Variants in ERC2 observed in about 807,000 individuals in gnomAD.
ERC2 encodes the protein ELKS/RAB6-interacting/CAST family member 2.
ERC2 carries 42 observed loss-of-function variants against 114.8 expected under a neutral mutation model. The observed-to-expected ratio is 0.37, with a 90% CI of 0.29 to 0.47. The LOEUF (loss-of-function observed/expected upper bound fraction) is 0.47, where lower values mean the gene tolerates loss of function less well. ERC2 is among the 20% of genes least tolerant of loss of function. The pLI is 0.99. For synonymous variants in ERC2, 454 were observed against 425.5 expected (o/e 1.07, Z -0.82); for missense variants, 939 against 1,150.7 (o/e 0.82, Z 2.66).
At chr3:56,337,540 G>A (rs563082590) in intron 2 of ERC2, among the ~76,000 whole-genome samples, 1 of 152,254 alleles carries the variant, frequency 6.6e-6, no homozygotes, top group Non-Finnish European at 1.5e-5. Context: ...TATGCATAAA[G>A]CACTTAGCTA....
chr3:55,719,487 C>G (rs2064320848), intron 15 of ERC2, among the ~76,000 whole-genome samples: 1 of 152,140 alleles, frequency 6.6e-6, no homozygotes, highest in African/African-American at 2.4e-5. Flanking sequence ...ATGTTGGAAA[C>G]AATTCTAAAT....
chr3:56,240,638 C>T (rs2051263235), intron 3 of ERC2, among the ~76,000 whole-genome samples: 2 of 152,062 alleles, frequency 1.3e-5, no homozygotes, highest in Admixed American at 1.3e-4. Context: ...AATAGCACCA[C>T]CAACTGTGAG....
chr3:56,437,146 CAT>C (rs1300559703), intron 1 of ERC2, among the ~76,000 whole-genome samples: 1 of 152,216 alleles, frequency 6.6e-6, no homozygotes, highest in African/African-American at 2.4e-5. Context: ...TTAAGCAACA[CAT>C]GTGTTTACTC....
chr3:55,630,265 G>A (rs1252161166), intron 17 of ERC2, among the ~76,000 whole-genome samples: 1 of 152,186 alleles, frequency 6.6e-6, no homozygotes, highest in African/African-American at 2.4e-5. Context: ...TGCCTCCCAG[G>A]TTCAAGTGAT....
At chr3:56,265,803 T>G (rs2053252470) in intron 3 of ERC2, among the ~76,000 whole-genome samples, 1 of 151,820 alleles carries the variant, frequency 6.6e-6, no homozygotes, top group South Asian at 2.1e-4. Context: ...CCAAGGTGGG[T>G]AGATCACCTG....
chr3:55,689,168 G>A (rs886352912), intron 16 of ERC2, among the ~76,000 whole-genome samples: 9 of 152,168 alleles, frequency 5.9e-5, no homozygotes, highest in African/African-American at 2.2e-4. Flanking sequence ...AGCCACCTGA[G>A]ACCACTTTGT....
chr3:56,322,147 G>A (rs886950018), intron 2 of ERC2, among the ~76,000 whole-genome samples: 3 of 152,196 alleles, frequency 2.0e-5, no homozygotes, highest in Non-Finnish European at 4.4e-5. Flanking sequence ...ACTTCACAAT[G>A]TTAGTAGGAT....
chr3:56,038,572 C>T (rs915191579), intron 7 of ERC2, among the ~76,000 whole-genome samples: 1 of 152,160 alleles, frequency 6.6e-6, no homozygotes, highest in African/African-American at 2.4e-5. Context: ...ACCCAGCTAT[C>T]CTTCCACTGG....
chr3:55,973,566 G>C (rs1289196286), intron 12 of ERC2, among the ~76,000 whole-genome samples: 4 of 152,164 alleles, frequency 2.6e-5, no homozygotes, highest in East Asian at 1.9e-4. Flanking sequence ...CCTTGCTCTT[G>C]AGATTATCTA....
chr3:56,303,163 T>C (rs1479805127), intron 2 of ERC2, among the ~76,000 whole-genome samples: 1 of 152,254 alleles, frequency 6.6e-6, no homozygotes, highest in Admixed American at 6.5e-5. Context: ...GTAAAGCAAC[T>C]GTGACAATGG....
intron 11 of ERC2, among the ~76,000 whole-genome samples, chr3:55,987,176 G>A (rs2070704233): frequency 6.6e-6 from 1 of 152,214 alleles, no homozygotes; most frequent in African/African-American, 2.4e-5. Context: ...CCCCTGCAGA[G>A]TGTTTTGTGA....
chr3:56,028,240 T>C (rs2074168135), intron 7 of ERC2, among the ~76,000 whole-genome samples: 1 of 152,166 alleles, frequency 6.6e-6, no homozygotes, highest in African/African-American at 2.4e-5. Context: ...GTGAATCTTT[T>C]AACCTTATTC....
intron 13 of ERC2, among the ~76,000 whole-genome samples, chr3:55,947,375 T>C (rs1216927152): frequency 6.6e-6 from 1 of 152,240 alleles, no homozygotes; most frequent in Non-Finnish European, 1.5e-5. Context: ...TTTGATAGAC[T>C]GAATGATTGG....
intron 16 of ERC2, among the ~76,000 whole-genome samples, chr3:55,697,721 C>T (rs2063006724): frequency 6.6e-6 from 1 of 152,064 alleles, no homozygotes; most frequent in South Asian, 2.1e-4. Context: ...GGCTCCAAAT[C>T]CTTCTTTCTA....
At chr3:56,407,039 T>C (rs1375069903) in intron 2 of ERC2, among the ~76,000 whole-genome samples, 1 of 152,150 alleles carries the variant, frequency 6.6e-6, no homozygotes, top group Non-Finnish European at 1.5e-5. Context: ...TCTGGAAAAT[T>C]AAGACAGACA....
intron 2 of ERC2, among the ~76,000 whole-genome samples, chr3:56,372,174 C>G (rs1029450513): frequency 1.3e-5 from 2 of 152,198 alleles, no homozygotes; most frequent in Non-Finnish European, 2.9e-5. Flanking sequence ...AATGTGAGTC[C>G]AAACAGGGAG....
At chr3:56,283,703 G>C (rs1179323087) in intron 3 of ERC2, among the ~76,000 whole-genome samples, 1 of 152,220 alleles carries the variant, frequency 6.6e-6, no homozygotes, top group Non-Finnish European at 1.5e-5. Context: ...TAGTGAGGGA[G>C]CTCTTAATTC....
chr3:55,639,074 C>T (rs1048450292), intron 17 of ERC2, among the ~76,000 whole-genome samples: 4 of 152,168 alleles, frequency 2.6e-5, no homozygotes, highest in East Asian at 1.9e-4. Flanking sequence ...GATTCAGGGT[C>T]GGTGAGCTAT....
Position 56,003,051 on chromosome 3 carries a change from T to C in ERC2, c.2061+4130A>G, listed in dbSNP as rs1305441675. ...CACACCGTGACTGGTGATCAATGGA[T>C]CCTCATGCTTTGATATGTTACAGCG... is the stretch of plus-strand genomic sequence containing the variant. On this transcript the variant is annotated intron_variant, in intron 10 of 17. Coordinates refer to ENST00000288221, the MANE Select transcript of ERC2 (RefSeq NM_015576.3). 13 of 1,264,734 alleles carry C rather than the reference T, an allele frequency of 1.0e-5. No homozygotes were observed. In the South Asian group the frequency reaches 1.5e-4, roughly 14 times the overall value. 78.3% of individuals were successfully genotyped at this position (1,264,734 alleles called of 1,614,324 possible). A position where few individuals can be genotyped will look rare whatever the true frequency, so the allele number is the denominator to read the frequency against.
Sources: allele counts gnomAD v4.1 joint callset (sites outside exome capture counted in the v4.1 genomes callset), GRCh38; gene constraint gnomAD v4.1.1; transcripts MANE v1.5; gene names NCBI Gene and HGNC (gene_info 2026-07-23, HGNC 2026-07-21).